The following RANBP17 variants were observed in gnomAD, a reference collection of about 807,000 sequenced individuals.
The protein encoded by RANBP17 is ran-binding protein 17.
In RANBP17, 158 loss-of-function variants were observed where a neutral mutation model predicts 141.2. That is an observed-to-expected ratio of 1.12 (90% CI 0.98 to 1.28). RANBP17 has a LOEUF of 1.28. Ranked by LOEUF, RANBP17 falls within the 50% of genes most tolerant of loss-of-function variation. RANBP17 has a pLI of 0.00. For missense variants in RANBP17, 1,438 were observed against 1,290.7 expected, an observed-to-expected ratio of 1.11 and a Z score of -1.75; for synonymous variants, 430 against 450.0, an observed-to-expected ratio of 0.96 and a Z score of 0.56.
At chr5:171,129,531 A>T (rs1231734802) in intron 14 of RANBP17, among the ~76,000 whole-genome samples, 1 of 152,134 alleles carries the variant, frequency 6.6e-6, no homozygotes, top group Non-Finnish European at 1.5e-5. Flanking sequence ...AGGGGAGGTG[A>T]CAGGCATTCT....
In RANBP17 at chr5:170,952,696, G is replaced by T. The variant is rs556271755; in HGVS notation, c.1469-901G>T. Among the ~76,000 whole-genome samples the T allele has an allele frequency of 5.9e-5, 9 of 151,908 alleles. No individual in the cohort carries two copies. In the South Asian group the frequency reaches 1.7e-3, roughly 28 times the overall value. On this transcript the variant is annotated intron_variant, in intron 12 of 27. Coordinates refer to ENST00000523189, the MANE Select transcript of RANBP17 (RefSeq NM_022897.5). ...AAGCGTTTCTTAATCAGAAACAATT[G>T]ATTTCAGTATTATGAAATAGCCCTC...
intron 14 of RANBP17, among the ~76,000 whole-genome samples, chr5:171,117,498 TTTA>T (rs746634016): frequency 1.3e-5 from 2 of 152,098 alleles, no homozygotes; most frequent in Non-Finnish European, 2.9e-5. Context: ...ATTTTCTTTT[TTTA>T]TTATTATTAT....
Position 171,076,571 on chromosome 5 carries a change from A to G in RANBP17, c.1711-93559A>G, listed in dbSNP as rs557642484. Among the ~76,000 whole-genome samples, 229 of 152,342 alleles carry G rather than the reference A, an allele frequency of 1.5e-3. 2 individuals are homozygous for G. The highest frequency in any genetic ancestry group is 4.4e-3 in the African/African-American group (182 of 41,572). ...ATTCAAGATCTATGGCAGGAAATAG[A>G]TAAGTCTGGAATACCTTGTTATACC... On this transcript the variant is annotated intron_variant, in intron 14 of 27. Transcript: ENST00000523189.
intron 14 of RANBP17, among the ~76,000 whole-genome samples, chr5:171,087,561 G>A (rs1785773448): frequency 1.3e-5 from 2 of 151,692 alleles, no homozygotes; most frequent in Admixed American, 6.6e-5. Context: ...GTTGACAGTG[G>A]GGTGTTAAAG....
intron 12 of RANBP17, among the ~76,000 whole-genome samples, chr5:170,952,891 C>A (rs1249168621): frequency 1.3e-5 from 2 of 151,912 alleles, no homozygotes; most frequent in Non-Finnish European, 2.9e-5. Context: ...TGAATAAATA[C>A]CTCCATTTCT....
intron 18 of RANBP17, among the ~76,000 whole-genome samples, chr5:171,198,698 A>C (rs1207844459): frequency 1.3e-5 from 2 of 152,192 alleles, no homozygotes; most frequent in Non-Finnish European, 2.9e-5. Flanking sequence ...CCAAACTTTG[A>C]GGACCTTCTC....
chr5:171,162,086 A>C (rs1026377290), intron 14 of RANBP17, among the ~76,000 whole-genome samples: 2 of 152,150 alleles, frequency 1.3e-5, no homozygotes, highest in Non-Finnish European at 2.9e-5. Context: ...CCTCTACTAA[A>C]ATTAAGCCTT....
chr5:171,250,638 A>C (rs1765497776), intron 24 of RANBP17, among the ~76,000 whole-genome samples: 4 of 152,188 alleles, frequency 2.6e-5, no homozygotes, highest in African/African-American at 9.7e-5. Context: ...AAGTAAAGAG[A>C]AGGAAAAAGA....
At chr5:171,261,853 C>G (rs1295496067) in intron 24 of RANBP17, among the ~76,000 whole-genome samples, 1 of 152,030 alleles carries the variant, frequency 6.6e-6, no homozygotes, top group African/African-American at 2.4e-5. Context: ...TAAAGAAAAC[C>G]AATAGTTAAC....
At chr5:170,969,866 C>G (rs1389567461) in intron 14 of RANBP17, among the ~76,000 whole-genome samples, 1 of 151,988 alleles carries the variant, frequency 6.6e-6, no homozygotes, top group Non-Finnish European at 1.5e-5. Flanking sequence ...GTAACTTTAA[C>G]ATTGTTGGTG....
At chr5:170,901,431 G>T (rs150828752) in intron 5 of RANBP17, among the ~76,000 whole-genome samples, 1 of 152,108 alleles carries the variant, frequency 6.6e-6, no homozygotes, top group African/African-American at 2.4e-5. Flanking sequence ...CATGAGATGG[G>T]TCTCCTGAAT....
intron 25 of RANBP17, among the ~76,000 whole-genome samples, chr5:171,286,667 C>G (rs890546901): frequency 6.6e-5 from 10 of 152,108 alleles, no homozygotes; most frequent in Non-Finnish European, 1.5e-4. Flanking sequence ...ATTTCTTTTC[C>G]CTAAAGATAA....
chr5:171,125,792 AT>A (rs1214235593), intron 14 of RANBP17, among the ~76,000 whole-genome samples: 525 of 145,218 alleles, frequency 3.6e-3, no homozygotes, highest in East Asian at 9.0e-3. Context: ...ATCTCAGTAA[AT>A]TTTTTTTTTT....
At chr5:171,010,712 A>T (rs1229229733) in intron 14 of RANBP17, among the ~76,000 whole-genome samples, 1 of 152,198 alleles carries the variant, frequency 6.6e-6, no homozygotes, top group Non-Finnish European at 1.5e-5. Context: ...ATCAGGAATG[A>T]AAGAGGGTAC....
chr5:171,054,276 A>G (rs1783194828), intron 14 of RANBP17, among the ~76,000 whole-genome samples: 1 of 151,852 alleles, frequency 6.6e-6, no homozygotes, highest in Non-Finnish European at 1.5e-5. Flanking sequence ...AAGAATGACT[A>G]CTCCATTGGC....
chr5:170,880,380 C>T (rs1425557010), intron 2 of RANBP17, among the ~76,000 whole-genome samples: 3 of 152,142 alleles, frequency 2.0e-5, no homozygotes, highest in Non-Finnish European at 4.4e-5. Flanking sequence ...TGAGAATTTG[C>T]TCCCACCAGA....
intron 24 of RANBP17, chr5:171,252,305 G>A: frequency 3.2e-6 from 5 of 1,548,344 alleles, no homozygotes; most frequent in East Asian, 4.5e-5. Flanking sequence ...AATAATAACA[G>A]CACCCCAGAC....
chr5:171,075,203 CCTTT>C (rs1472498102), intron 14 of RANBP17, among the ~76,000 whole-genome samples: 2 of 152,104 alleles, frequency 1.3e-5, no homozygotes, highest in African/African-American at 2.4e-5. Context: ...GCTTTAGTCT[CCTTT>C]CTTTCTAATA....
intron 3 of RANBP17, 68 bp downstream of exon 3, chr5:170,881,964 C>G (rs1448458188): frequency 9.7e-6 from 10 of 1,025,978 alleles, no homozygotes; most frequent in Non-Finnish European, 1.4e-5. Context: ...ATATACTAAA[C>G]TGTTACTAGG....
Sources: allele counts gnomAD v4.1 joint callset (sites outside exome capture counted in the v4.1 genomes callset), GRCh38; gene constraint gnomAD v4.1.1; transcripts MANE v1.5; gene names NCBI Gene and HGNC (gene_info 2026-07-23, HGNC 2026-07-21).